Variants in WDR64 observed in about 807,000 individuals in gnomAD.
WDR64 encodes the protein WD repeat-containing protein 64.
WDR64 carries 112 observed loss-of-function variants against 139.3 expected under a neutral mutation model. The observed-to-expected ratio is 0.80, with a 90% CI of 0.69 to 0.94. The LOEUF (loss-of-function observed/expected upper bound fraction) is 0.94. Among genes scored for constraint, WDR64 ranks in the 40% least tolerant of loss-of-function variants. WDR64 has a pLI of 0.00. For synonymous variants in WDR64, 444 were observed against 437.7 expected (o/e 1.01, Z -0.18); for missense variants, 1,206 against 1,293.1 (o/e 0.93, Z 1.03).
intron 8 of WDR64, among the ~76,000 whole-genome samples, chr1:241,696,843 C>T (rs547460641): frequency 1.2e-4 from 18 of 152,138 alleles, no homozygotes; most frequent in Non-Finnish European, 2.5e-4. Context: ...GACCTTCTAT[C>T]TCATCCTGTG....
In WDR64 at chr1:241,691,165, T is replaced by C. The variant is rs528538941; in HGVS notation, c.974+3570T>C. ...TGTTTTTTAAAAAATGTGTAACTTA[T>C]ATTCTAAGAAAATAGAGAAAATGAA... On this transcript the variant is annotated intron_variant, in intron 8 of 27. Transcript: ENST00000437684. 2.6e-5 allele frequency among the ~76,000 whole-genome samples: 4 copies of C among 152,302 alleles called. No individual in the cohort carries two copies. The South Asian group carries it at 8.3e-4, about 32-fold the overall frequency.
intron 3 of WDR64, among the ~76,000 whole-genome samples, chr1:241,671,924 GCA>G (rs1399205422): frequency 6.6e-6 from 1 of 152,130 alleles, no homozygotes; most frequent in Non-Finnish European, 1.5e-5. Flanking sequence ...TGTAATCCTG[GCA>G]CTTTGAGGAG....
At chr1:241,718,170 C>G (rs368905297) in intron 9 of WDR64, among the ~76,000 whole-genome samples, 1 of 152,164 alleles carries the variant, frequency 6.6e-6, no homozygotes, top group East Asian at 1.9e-4. Flanking sequence ...GTATTAAGCA[C>G]TTACTACTTG....
chr1:241,711,527 T>A (rs1053789946), intron 8 of WDR64, among the ~76,000 whole-genome samples: 1 of 152,132 alleles, frequency 6.6e-6, no homozygotes, highest in African/African-American at 2.4e-5. Context: ...GGTCGGCCCA[T>A]CCTCACCACA....
At chr1:241,734,227 TA>T (rs1277060672) in intron 10 of WDR64, among the ~76,000 whole-genome samples, 1 of 152,114 alleles carries the variant, frequency 6.6e-6, no homozygotes, top group Non-Finnish European at 1.5e-5. Flanking sequence ...TTTCCGGACT[TA>T]ACCAATGTAC....
intron 23 of WDR64, 142 bp from the exon 24 acceptor site, chr1:241,787,707 G>A (rs1206555390): frequency 4.9e-6 from 3 of 611,814 alleles, no homozygotes; most frequent in African/African-American, 1.9e-5. Flanking sequence ...TAGCTCCACA[G>A]TATTTCATAG....
chr1:241,783,949 A>G (rs1658942700), intron 23 of WDR64, among the ~76,000 whole-genome samples: 1 of 152,266 alleles, frequency 6.6e-6, no homozygotes, highest in Admixed American at 6.5e-5. Flanking sequence ...GAAATGTCTT[A>G]AAATCATGGT....
intron 20 of WDR64, among the ~76,000 whole-genome samples, chr1:241,774,058 G>A (rs1214264720): frequency 6.6e-6 from 1 of 152,166 alleles, no homozygotes; most frequent in Non-Finnish European, 1.5e-5. Flanking sequence ...GATTTAGGGT[G>A]GAATTAAGAG....
chr1:241,780,203 G>A, intron 22 of WDR64, 141 bp downstream of exon 22: 1 of 716,608 alleles, frequency 1.4e-6, no homozygotes, highest in Non-Finnish European at 2.2e-6. Context: ...TGAGCTACAT[G>A]ACAAATTGCA....
rs115299436 is a variant in WDR64, at chr1:241,680,534, A to G, written c.624+939A>G. On this transcript the variant is annotated intron_variant, in intron 6 of 27. Transcript: ENST00000437684. Reference sequence around the variant, plus strand: ...GTTTTCACTCTTGCTTTTCAATCCCATAGAAGCCTTTAGTTCCTTGAAAAC... The same window carrying G: ...GTTTTCACTCTTGCTTTTCAATCCCGTAGAAGCCTTTAGTTCCTTGAAAAC... Among the ~76,000 whole-genome samples, 1,455 of 152,232 alleles carry G rather than the reference A, an allele frequency of 9.6e-3. 21 individuals are homozygous for G. Among genetic ancestry groups the G allele is most frequent in the African/African-American group, 0.034 (1,393 of 41,524 alleles).
chr1:241,672,013 A>T (rs918100604), intron 3 of WDR64, among the ~76,000 whole-genome samples: 4 of 152,216 alleles, frequency 2.6e-5, no homozygotes, highest in African/African-American at 9.6e-5. Flanking sequence ...TGTCTCTACT[A>T]AAAATACAAA....
At position 241,720,314 on chromosome 1, in the gene WDR64, T is replaced by C. The variant is rs771259277; in HGVS notation, c.1055-2983T>C. 6.6e-5 allele frequency among the ~76,000 whole-genome samples: 10 copies of C among 152,330 alleles called. No homozygotes were observed. The South Asian group carries it at 1.2e-3, about 19-fold the overall frequency. On this transcript the variant is annotated intron_variant, in intron 9 of 27. Transcript: ENST00000437684. ...AATGATTTGTATTCCTTTGGGTATA[T>C]ACCCAGTAATGGGATTGCTGGGTCA...
At chr1:241,678,333 A>G (rs1046963635) in intron 5 of WDR64, 117 bp downstream of exon 5, 4 of 394,524 alleles carry the variant, frequency 1.0e-5, no homozygotes, top group South Asian at 1.4e-4. Flanking sequence ...TATGTTTCAT[A>G]TATTATAAAT....
Position 241,801,318 on chromosome 1 carries a change from G to A in WDR64, c.*103G>A. On this transcript the variant is annotated 3_prime_UTR_variant, in exon 28 of 28. Coordinates refer to ENST00000437684, the MANE Select transcript of WDR64 (RefSeq NM_001367482.1). Reference sequence around the variant, plus strand: ...AGGGAGAAACCACCAGACACTATCAGTCATCTCTGGTGTCAGGCCATCCTA... The same window carrying A: ...AGGGAGAAACCACCAGACACTATCAATCATCTCTGGTGTCAGGCCATCCTA... 1.0e-6 allele frequency: 1 copy of A among 998,080 alleles called. No individual in the cohort carries two copies. The highest frequency in any genetic ancestry group is 1.5e-6 in the Non-Finnish European group (1 of 650,614). 61.8% of individuals were successfully genotyped at this position (998,080 alleles called of 1,614,324 possible). A position where few individuals can be genotyped will look rare whatever the true frequency, so the allele number is the denominator to read the frequency against.
intron 1 of WDR64, among the ~76,000 whole-genome samples, chr1:241,657,607 T>C (rs1665660194): frequency 6.6e-6 from 1 of 152,264 alleles, no homozygotes; most frequent in Non-Finnish European, 1.5e-5. Context: ...TGACCCTTTT[T>C]TTGCTCATCA....
intron 21 of WDR64, among the ~76,000 whole-genome samples, chr1:241,777,161 C>T (rs565412884): frequency 6.6e-6 from 1 of 152,240 alleles, no homozygotes; most frequent in South Asian, 2.1e-4. Flanking sequence ...GTGGTGTGCT[C>T]ATAGCTCACT....
At chr1:241,775,392 A>G (rs1658623582) in intron 21 of WDR64, among the ~76,000 whole-genome samples, 182 bp downstream of exon 21, 1 of 152,228 alleles carries the variant, frequency 6.6e-6, no homozygotes, top group South Asian at 2.1e-4. Context: ...GTGTCAGGAG[A>G]ACCTGCTTCA....
In WDR64 at chr1:241,745,550, T is replaced by C. The variant is rs375438212; in HGVS notation, c.1594+1034T>C. ...AAGCCATATTTTACATTGTTAGTTC[T>C]AGAACCTAGAATTCTTTCAGATATT... On this transcript the variant is annotated intron_variant, in intron 13 of 27. Transcript: ENST00000437684. Among the ~76,000 whole-genome samples the C allele has an allele frequency of 2.7e-4, 40 of 150,820 alleles. 3 individuals are homozygous for C. Among genetic ancestry groups the C allele is most frequent in the African/African-American group, 9.7e-4 (39 of 40,094 alleles).
At position 241,748,884 on chromosome 1, in the gene WDR64, G is replaced by A. The variant is rs549288112; in HGVS notation, c.1595-663G>A. On this transcript the variant is annotated intron_variant, in intron 13 of 27. Coordinates refer to ENST00000437684, the MANE Select transcript of WDR64 (RefSeq NM_001367482.1). Reference sequence around the variant, plus strand: ...GAACCCAGGAGGCGGAGCTTGCAGTGAGCCGAGATCGCCACTGCACTCCAG... The same window carrying A: ...GAACCCAGGAGGCGGAGCTTGCAGTAAGCCGAGATCGCCACTGCACTCCAG... Among the ~76,000 whole-genome samples the A allele has an allele frequency of 7.6e-4, 114 of 150,142 alleles. 1 individual carries two copies. Among genetic ancestry groups the A allele is most frequent in the Non-Finnish European group, 1.4e-3 (94 of 67,534 alleles).
Sources: gnomAD v4.1 joint callset for allele counts (sites outside exome capture counted in the v4.1 genomes callset) on GRCh38, gnomAD v4.1.1 for gene constraint, MANE v1.5 for transcripts, NCBI Gene and HGNC (gene_info 2026-07-23, HGNC 2026-07-21) for gene names.